GHR: variants seen among roughly 807,000 people sequenced by gnomAD.
The protein encoded by GHR is GH receptor.
GHR carries 35 observed loss-of-function variants against 67.1 expected under a neutral mutation model. That is an observed-to-expected ratio of 0.52 (90% CI 0.40 to 0.69). The LOEUF is 0.69. GHR is among the 30% of genes least tolerant of loss of function. The pLI is 0.00. For synonymous variants in GHR, 272 were observed against 269.1 expected (o/e 1.01, Z -0.10); for missense variants, 792 against 764.6 (o/e 1.04, Z -0.42).
At chr5:42,606,215 G>A (rs1263209705) in intron 2 of GHR, among the ~76,000 whole-genome samples, 2 of 152,182 alleles carry the variant, frequency 1.3e-5, no homozygotes, top group East Asian at 3.9e-4. Flanking sequence ...AGAAGGCACA[G>A]GAAGTGCCCA....
intron 4 of GHR, among the ~76,000 whole-genome samples, chr5:42,689,552 G>A (rs150604228): frequency 1.1e-4 from 16 of 152,228 alleles, no homozygotes; most frequent in African/African-American, 2.6e-4. Flanking sequence ...TAAGTGAAAC[G>A]GGACAGGCCA....
rs1744020365 is a variant in GHR at position 42,450,861 on chromosome 5, T to G, written c.-12+26906T>G. Among the ~76,000 whole-genome samples the G allele has an allele frequency of 2.0e-5, 3 of 152,202 alleles. No individual in the cohort carries two copies. In the South Asian group the frequency reaches 6.2e-4, roughly 32 times the overall value. On this transcript the variant is annotated intron_variant, in intron 1 of 9. Coordinates refer to ENST00000230882, the MANE Select transcript of GHR (RefSeq NM_000163.5). The stretch of plus-strand genomic sequence containing the variant: ...ATTATCATTTTGAAAGAATTTTTAA[T>G]TTTCATCTTGATTTCATTGTTGACC...
chr5:42,444,157 G>T (rs1743711798), intron 1 of GHR, among the ~76,000 whole-genome samples: 1 of 152,032 alleles, frequency 6.6e-6, no homozygotes, highest in African/African-American at 2.4e-5. Context: ...ATTTGTTGAG[G>T]GTCTGTGTAG....
At chr5:42,660,742 C>T (rs375017022) in intron 3 of GHR, among the ~76,000 whole-genome samples, 19 of 152,142 alleles carry the variant, frequency 1.2e-4, no homozygotes, top group African/African-American at 1.7e-4. Flanking sequence ...TCACCAGCAA[C>T]GGAACAAAGC....
intron 1 of GHR, among the ~76,000 whole-genome samples, chr5:42,507,896 C>A (rs1382890605): frequency 2.0e-5 from 3 of 152,184 alleles, no homozygotes; most frequent in African/African-American, 7.2e-5. Context: ...AGGAAGTTAT[C>A]CAGCATTGAG....
intron 2 of GHR, among the ~76,000 whole-genome samples, chr5:42,571,137 G>A (rs532510451): frequency 6.6e-6 from 1 of 152,342 alleles, no homozygotes; most frequent in African/African-American, 2.4e-5. Context: ...AAGTCCTGGT[G>A]CACAGTTCAG....
chr5:42,535,305 C>T lies in GHR; in HGVS notation c.-11-30559C>T, dbSNP rs189173049. Among the ~76,000 whole-genome samples, 218 of 152,154 alleles carry T rather than the reference C, an allele frequency of 1.4e-3. 3 individuals are homozygous for T. The highest frequency in any genetic ancestry group is 0.014 in the Middle Eastern group (4 of 294). On this transcript the variant is annotated intron_variant, in intron 1 of 9. Coordinates refer to ENST00000230882, the MANE Select transcript of GHR (RefSeq NM_000163.5). The stretch of plus-strand genomic sequence containing the variant: ...ATAGTTTCACGTTTTAGATTTAAGT[C>T]CTTAATCCATCCTGAGTAGATTTTT...
chr5:42,706,901 T>G (rs1758202765), intron 6 of GHR, among the ~76,000 whole-genome samples: 1 of 152,072 alleles, frequency 6.6e-6, no homozygotes, highest in Admixed American at 6.6e-5. Context: ...ATTTTACAAT[T>G]GTTTTTTCTA....
chr5:42,482,569 G>A (rs2112159697), intron 1 of GHR, among the ~76,000 whole-genome samples: 1 of 152,298 alleles, frequency 6.6e-6, no homozygotes, highest in Admixed American at 6.5e-5. Flanking sequence ...ACCTAATCAA[G>A]TCTCAGCAAT....
intron 3 of GHR, among the ~76,000 whole-genome samples, chr5:42,647,230 A>T (rs902610291): frequency 3.9e-5 from 6 of 152,122 alleles, no homozygotes; most frequent in Middle Eastern, 3.2e-3. Context: ...TTCAATATGA[A>T]TAAAATTGAT....
At chr5:42,588,549 A>AAAAAAAAAAAAAAAAAAAAC (rs1250839718) in intron 2 of GHR, among the ~76,000 whole-genome samples, 1 of 150,392 alleles carries the variant, frequency 6.6e-6, no homozygotes. Flanking sequence ...AAAAAAAAAA[A>AAAAAAAAAAAAAAAAAAAAC]AAGTGACCTA....
At chr5:42,479,929 C>T (rs1282887983) in intron 1 of GHR, among the ~76,000 whole-genome samples, 1 of 151,906 alleles carries the variant, frequency 6.6e-6, no homozygotes, top group Non-Finnish European at 1.5e-5. Flanking sequence ...CTTCTGCTAG[C>T]TTTTGAATAT....
rs765140556 is a variant in GHR, at chr5:42,679,623, C to CA, written c.137-9254dup. Among the ~76,000 whole-genome samples the CA allele has an allele frequency of 4.9e-3, 651 of 133,116 alleles. 2 individuals are homozygous for CA. Among genetic ancestry groups the CA allele is most frequent in the Non-Finnish European group, 8.5e-3 (521 of 61,394 alleles). The allele number at this position is 133,116 out of a possible 152,430, so 87.3% of individuals were successfully genotyped here. A position where few individuals can be genotyped will look rare whatever the true frequency, so the allele number is the denominator to read the frequency against. ...CTGGCGACAGAGCGAGACTGCATCT[C>CA]AAAAAAAAAAAAAGAATACAAATTC... On this transcript the variant is annotated intron_variant, in intron 3 of 9. Coordinates refer to ENST00000230882, the MANE Select transcript of GHR (RefSeq NM_000163.5).
chr5:42,584,382 C>T (rs1231744153), intron 2 of GHR, among the ~76,000 whole-genome samples: 1 of 152,076 alleles, frequency 6.6e-6, no homozygotes, highest in Non-Finnish European at 1.5e-5. Context: ...GAGGAAAAGA[C>T]AGCAAAAGCC....
At chr5:42,508,158 G>T (rs1281819680) in intron 1 of GHR, among the ~76,000 whole-genome samples, 1 of 152,216 alleles carries the variant, frequency 6.6e-6, no homozygotes, top group Non-Finnish European at 1.5e-5. Flanking sequence ...TCTGACAGCA[G>T]CCAGGAGAAT....
rs190183943 is a variant in GHR, at chr5:42,458,906, A to G, written c.-12+34951A>G. 5.9e-5 allele frequency among the ~76,000 whole-genome samples: 9 copies of G among 152,356 alleles called. No individual in the cohort carries two copies. In the East Asian group the frequency reaches 1.7e-3, roughly 29 times the overall value. On this transcript the variant is annotated intron_variant, in intron 1 of 9. Transcript: ENST00000230882. ...AAAATGCTCAATATCACTAATCATTATGGAAATGCAAATCAAAACCACAAT... is the reference window on the plus strand; with the variant it reads ...AAAATGCTCAATATCACTAATCATTGTGGAAATGCAAATCAAAACCACAAT...
At chr5:42,584,445 TCCC>T (rs1751364160) in intron 2 of GHR, among the ~76,000 whole-genome samples, 1 of 152,148 alleles carries the variant, frequency 6.6e-6, no homozygotes, top group Non-Finnish European at 1.5e-5. Context: ...TGCCGTATAC[TCCC>T]TCAAGCTTTG....
At position 42,640,547 on chromosome 5, in the gene GHR, C is replaced by A. The variant is rs928062045; in HGVS notation, c.136+11444C>A. ...ACTGACCCTACTTACCCCTTCACCT[C>A]ATTCACCAAAACTTATCTCCTATAT... On this transcript the variant is annotated intron_variant, in intron 3 of 9. Coordinates refer to ENST00000230882, the MANE Select transcript of GHR (RefSeq NM_000163.5). Among the ~76,000 whole-genome samples the A allele has an allele frequency of 9.2e-5, 14 of 152,076 alleles. 1 individual carries two copies. Among genetic ancestry groups the A allele is most frequent in the Non-Finnish European group, 2.9e-5 (2 of 68,018 alleles).
intron 2 of GHR, among the ~76,000 whole-genome samples, chr5:42,589,903 G>C (rs1751683909): frequency 6.6e-6 from 1 of 152,204 alleles, no homozygotes; most frequent in African/African-American, 2.4e-5. Flanking sequence ...ATGGCGGTGA[G>C]AAATTCACAG....
Sources: gnomAD v4.1 joint callset for allele counts (sites outside exome capture counted in the v4.1 genomes callset) on GRCh38, gnomAD v4.1.1 for gene constraint, MANE v1.5 for transcripts, NCBI Gene and HGNC (gene_info 2026-07-23, HGNC 2026-07-21) for gene names.